Variants in PPP3CA observed in about 807,000 individuals in gnomAD.
PPP3CA encodes the protein protein phosphatase 3 catalytic subunit alpha, also known as CAM-PRP catalytic subunit.
A neutral mutation model predicts 66.5 loss-of-function variants in PPP3CA; 14 were observed. That is an observed-to-expected ratio of 0.21 (90% CI 0.14 to 0.33). The LOEUF (loss-of-function observed/expected upper bound fraction) is 0.33. Ranked by LOEUF, PPP3CA falls within the 10% of genes least tolerant of loss-of-function variation. The pLI is 1.00. For synonymous variants in PPP3CA, 232 were observed against 226.2 expected (o/e 1.03, Z -0.23); for missense variants, 317 against 639.5 (o/e 0.50, Z 5.44).
chr4:101,220,020 G>A lies in PPP3CA; in HGVS notation c.59-23904C>T, dbSNP rs79690524. Among the ~76,000 whole-genome samples, 126 of 151,824 alleles carry A rather than the reference G, an allele frequency of 8.3e-4. 1 individual carries two copies. The East Asian group carries it at 0.024, about 29-fold the overall frequency. ...ATTAACACGCTCTGGTTTCTTGCAC[G>A]CCATGTCATCATTATAATCAGAAAA... On this transcript the variant is annotated intron_variant, in intron 1 of 13. Transcript: ENST00000394854.
chr4:101,043,057 G>A (rs983894502), intron 10 of PPP3CA, among the ~76,000 whole-genome samples: 1 of 151,934 alleles, frequency 6.6e-6, no homozygotes, highest in Non-Finnish European at 1.5e-5. Flanking sequence ...TCAATTCAAT[G>A]AACACAAAGA....
intron 1 of PPP3CA, among the ~76,000 whole-genome samples, chr4:101,315,747 T>G (rs1728865312): frequency 6.6e-6 from 1 of 152,160 alleles, no homozygotes; most frequent in Non-Finnish European, 1.5e-5. Context: ...TTCCACAAAG[T>G]CATCAAGGAT....
intron 1 of PPP3CA, among the ~76,000 whole-genome samples, chr4:101,314,130 C>T (rs1191176141): frequency 6.6e-6 from 1 of 152,144 alleles, no homozygotes; most frequent in African/African-American, 2.4e-5. Context: ...AACTGGGAGG[C>T]AATCCAGAAA....
chr4:101,173,627 AT>A (rs1486430531), intron 2 of PPP3CA, among the ~76,000 whole-genome samples: 1 of 152,186 alleles, frequency 6.6e-6, no homozygotes, highest in Non-Finnish European at 1.5e-5. Context: ...TAAGTTTTAA[AT>A]AACAGTTTAG....
intron 2 of PPP3CA, among the ~76,000 whole-genome samples, chr4:101,162,551 A>ATAAATAAG (rs1560634610): frequency 7.1e-6 from 1 of 140,992 alleles, no homozygotes; most frequent in African/African-American, 2.8e-5. Flanking sequence ...AAATAAATAA[A>ATAAATAAG]TAAATAAATA....
intron 2 of PPP3CA, among the ~76,000 whole-genome samples, chr4:101,192,668 A>G (rs968308484): frequency 3.3e-5 from 5 of 152,108 alleles, no homozygotes; most frequent in Admixed American, 3.3e-4. Context: ...ACATAGTACA[A>G]TTGTACTTAT....
chr4:101,117,442 A>ATTCTTT (rs58221523), intron 2 of PPP3CA, among the ~76,000 whole-genome samples: 1 of 148,482 alleles, frequency 6.7e-6, no homozygotes. Context: ...CACCACTGAG[A>ATTCTTT]TTTTTTTTTG....
intron 5 of PPP3CA, among the ~76,000 whole-genome samples, chr4:101,095,826 AT>A (rs1348046974): frequency 5.3e-5 from 8 of 151,858 alleles, no homozygotes; most frequent in Admixed American, 2.0e-4. Flanking sequence ...TAATTTTTGT[AT>A]TTTCAGTAGA....
chr4:101,189,069 T>G (rs1183811676), intron 2 of PPP3CA, among the ~76,000 whole-genome samples: 2 of 152,090 alleles, frequency 1.3e-5, no homozygotes, highest in South Asian at 2.1e-4. Flanking sequence ...GTCAACTATC[T>G]CATGTGTCTG....
In PPP3CA at chr4:101,343,450, G is replaced by A. The variant is rs555815733; in HGVS notation, c.58+3289C>T. Among the ~76,000 whole-genome samples the A allele has an allele frequency of 5.3e-5, 8 of 152,210 alleles. No homozygotes were observed. In the East Asian group the frequency reaches 7.7e-4, roughly 15 times the overall value. ...GAGAAAAATCAGGACGGGGGTCAAG[G>A]GGAGGAAGACAGTTATTCTTCTATT... is the stretch of plus-strand genomic sequence containing the variant. On this transcript the variant is annotated intron_variant, in intron 1 of 13. Coordinates refer to ENST00000394854, the MANE Select transcript of PPP3CA (RefSeq NM_000944.5).
At chr4:101,340,451 G>A (rs553639113) in intron 1 of PPP3CA, among the ~76,000 whole-genome samples, 7 of 152,102 alleles carry the variant, frequency 4.6e-5, no homozygotes, top group East Asian at 1.9e-4. Context: ...TCCACTACCC[G>A]AGTGCATATT....
chr4:101,343,713 C>T (rs112938626), intron 1 of PPP3CA, among the ~76,000 whole-genome samples: 2,283 of 152,230 alleles, frequency 0.015, 28 homozygotes, highest in Non-Finnish European at 0.022. Flanking sequence ...TGCCATCATT[C>T]TCTTTCATTT....
At chr4:101,124,725 G>GAAAGAAAGAGAAAGAA (rs1412415941) in intron 2 of PPP3CA, among the ~76,000 whole-genome samples, 1 of 58,834 alleles carries the variant, frequency 1.7e-5, no homozygotes, top group Admixed American at 1.8e-4. Flanking sequence ...AAGAAAGAAA[G>GAAAGAAAGAGAAAGAA]AGAAAGAAAG....
chr4:101,196,033 C>T lies in PPP3CA; in HGVS notation c.142G>A (p.Ala48Thr). 2 of 1,613,984 alleles carry T rather than the reference C, an allele frequency of 1.2e-6. No individual in the cohort carries two copies. The highest frequency in any genetic ancestry group is 1.7e-6 in the Non-Finnish European group (2 of 1,179,964). The change falls in exon 2 of 14, where the codon GCG (alanine) becomes ACG (threonine). Residue 48 changes from alanine (A) to threonine (T), a missense_variant. Coordinates refer to ENST00000394854, the MANE Select transcript of PPP3CA (RefSeq NM_000944.5). ...DGKPRVDILK[A>T]HLMKEGRLEE... ...AGCCTTCCCTCCTTCATAAGATGCG[C>T]CTTTAAGATATCCACACGAGGTTTT...
chr4:101,280,612 G>A (rs955348561), intron 1 of PPP3CA, among the ~76,000 whole-genome samples: 1 of 152,224 alleles, frequency 6.6e-6, no homozygotes, highest in African/African-American at 2.4e-5. Flanking sequence ...CTGAGGTCAG[G>A]AGTTCGAGAC....
At chr4:101,253,066 G>GAGCA (rs1248380079) in intron 1 of PPP3CA, among the ~76,000 whole-genome samples, 4 of 152,132 alleles carry the variant, frequency 2.6e-5, no homozygotes, top group African/African-American at 9.7e-5. Flanking sequence ...AAGGGTCCAA[G>GAGCA]AGCAAATTCT....
intron 1 of PPP3CA, among the ~76,000 whole-genome samples, chr4:101,207,117 A>T (rs1302336877): frequency 6.6e-6 from 1 of 152,224 alleles, no homozygotes; most frequent in Non-Finnish European, 1.5e-5. Context: ...GGTCACAAAT[A>T]AATCTGTTGT....
intron 10 of PPP3CA, among the ~76,000 whole-genome samples, chr4:101,057,495 T>C (rs1728275763): frequency 6.6e-6 from 1 of 152,216 alleles, no homozygotes; most frequent in Non-Finnish European, 1.5e-5. Context: ...ACATTAACTT[T>C]GACACATTTC....
intron 1 of PPP3CA, among the ~76,000 whole-genome samples, chr4:101,267,862 A>G (rs888344400): frequency 6.6e-6 from 1 of 152,140 alleles, no homozygotes; most frequent in Admixed American, 6.6e-5. Flanking sequence ...TATCGATACT[A>G]TTGTTAACTT....
Sources: allele counts gnomAD v4.1 joint callset (sites outside exome capture counted in the v4.1 genomes callset), GRCh38; gene constraint gnomAD v4.1.1; transcripts MANE v1.5; gene names NCBI Gene and HGNC (gene_info 2026-07-23, HGNC 2026-07-21).